MGRN1: variants seen among roughly 807,000 people sequenced by gnomAD.
The protein encoded by MGRN1 is mahogunin ring finger 1.
Under a neutral mutation model 69.2 loss-of-function variants are expected in MGRN1, and 29 were observed. The observed-to-expected ratio is 0.42, with a 90% CI of 0.31 to 0.57. The LOEUF (loss-of-function observed/expected upper bound fraction) is 0.57. Among genes scored for constraint, MGRN1 ranks in the 20% least tolerant of loss-of-function variants. MGRN1 has a pLI of 0.15. For synonymous variants in MGRN1, 470 were observed against 344.2 expected (o/e 1.37, Z -4.04); for missense variants, 998 against 796.2 (o/e 1.25, Z -3.05).
chr16:4,686,584 G>C lies in MGRN1; in HGVS notation c.1619-2212G>C, dbSNP rs1375303314. The C allele has an allele frequency of 8.5e-6, 11 of 1,296,112 alleles. No individual in the cohort carries two copies. In the African/African-American group the frequency reaches 1.1e-4, roughly 12 times the overall value. The allele number at this position is 1,296,112 out of a possible 1,614,324, so 80.3% of individuals were successfully genotyped here. A position where few individuals can be genotyped will look rare whatever the true frequency, so the allele number is the denominator to read the frequency against. On this transcript the variant is annotated intron_variant, in intron 16 of 16. Transcript: ENST00000262370. ...CTTCTTCCAGCCTTGAGGGGCCCTG[G>C]AACAGTCCCAGCCCAGGCAGGGAGA... is the stretch of plus-strand genomic sequence containing the variant.
chr16:4,683,954 G>A (rs1235842193), intron 16 of MGRN1, 22 bp downstream of exon 16: 1 of 1,521,086 alleles, frequency 6.6e-7, no homozygotes, highest in Non-Finnish European at 8.9e-7. Flanking sequence ...GGGGTCTGGG[G>A]GTGAGGGGCT....
chr16:4,671,512 G>T (rs2141946957), intron 9 of MGRN1, 53 bp downstream of exon 9: 2 of 1,557,242 alleles, frequency 1.3e-6, no homozygotes, highest in South Asian at 1.1e-5. Context: ...CACACCAGGA[G>T]CAGCCGCGGA....
rs918618055 is a variant in MGRN1 at position 4,690,965 on chromosome 16, T to C, written c.*2057T>C. 4.6e-5 allele frequency: 7 copies of C among 152,402 alleles called. No individual in the cohort carries two copies. Among genetic ancestry groups the C allele is most frequent in the African/African-American group, 7.2e-5 (3 of 41,436 alleles). 9.4% of individuals were successfully genotyped at this position (152,402 alleles called of 1,614,324 possible). ...CTGTATATTTATAGTAATAAAATCA[T>C]GCAGCAATATCCTGTCTGCTCCTTC... On this transcript the variant is annotated 3_prime_UTR_variant, in exon 17 of 17. Coordinates refer to ENST00000262370, the MANE Select transcript of MGRN1 (RefSeq NM_015246.4).
intron 1 of MGRN1, among the ~76,000 whole-genome samples, chr16:4,646,233 C>A (rs2141865188): frequency 6.6e-6 from 1 of 152,206 alleles, no homozygotes; most frequent in Admixed American, 6.5e-5. Context: ...CAGTTTGAGA[C>A]CAGCCTGGGT....
chr16:4,671,399 G>C lies in MGRN1; in HGVS notation c.735G>C (p.Arg245=), dbSNP rs1399805984. Reference sequence around the variant, plus strand: ...CCCTCTCTGCTCTCCAGGTGGACCGGGTCAGCTACCTCCTGCAGGAGATCT... The same window carrying C: ...CCCTCTCTGCTCTCCAGGTGGACCGCGTCAGCTACCTCCTGCAGGAGATCT... ...KPLKQKQIVD[R]VSYLLQEIYG... is the part of the protein sequence containing the mutation. The change falls in exon 9 of 17, where the codon CGG becomes CGC. Residue 245 remains arginine, a synonymous_variant. Coordinates refer to ENST00000262370, the MANE Select transcript of MGRN1 (RefSeq NM_015246.4). 2 of 1,613,960 alleles carry C rather than the reference G, an allele frequency of 1.2e-6. No homozygotes were observed. The highest frequency in any genetic ancestry group is 1.7e-5 in the Admixed American group (1 of 59,990).
At chr16:4,641,350 T>TG (rs1234910675) in intron 1 of MGRN1, among the ~76,000 whole-genome samples, 2 of 151,590 alleles carry the variant, frequency 1.3e-5, no homozygotes, top group African/African-American at 4.9e-5. Context: ...GGATTTTTTT[T>TG]TTGTTTTTTG....
Position 4,686,497 on chromosome 16 carries a change from T to TG in MGRN1, c.1619-2293dup, listed in dbSNP as rs1456585032. On this transcript the variant is annotated intron_variant, in intron 16 of 16. Transcript: ENST00000262370. ...CACCTTCCCCCAGAAAGTGGCCTCC[T>TG]GGGGGGTCCTGACTTTCGGGGCCAG... 3 of 1,385,212 alleles carry TG rather than the reference T, an allele frequency of 2.2e-6. No individual in the cohort carries two copies. The East Asian group carries it at 8.3e-5, about 38-fold the overall frequency. 85.8% of individuals were successfully genotyped at this position (1,385,212 alleles called of 1,614,324 possible).
At chr16:4,652,937 A>G (rs2078442285) in intron 4 of MGRN1, 113 bp downstream of exon 4, 3 of 1,342,764 alleles carry the variant, frequency 2.2e-6, no homozygotes, top group Admixed American at 2.9e-5. Context: ...CTCTTTGACC[A>G]TACTCCCAGG....
intron 16 of MGRN1, among the ~76,000 whole-genome samples, chr16:4,685,184 A>C (rs2141986045): frequency 6.6e-6 from 1 of 152,356 alleles, no homozygotes; most frequent in South Asian, 2.1e-4. Context: ...GATCTCAAAT[A>C]TTTCATTCTG....
chr16:4,631,307 C>T (rs1459166026), intron 1 of MGRN1, among the ~76,000 whole-genome samples: 1 of 152,156 alleles, frequency 6.6e-6, no homozygotes, highest in Non-Finnish European at 1.5e-5. Flanking sequence ...AAAGCAAGAC[C>T]ATGTCTCTTA....
Position 4,688,789 on chromosome 16 carries a change from C to A in MGRN1, c.1619-7C>A, listed in dbSNP as rs748367603. 6 of 1,540,242 alleles carry A rather than the reference C, an allele frequency of 3.9e-6. No individual in the cohort carries two copies. The highest frequency in any genetic ancestry group is 5.3e-6 in the Non-Finnish European group (6 of 1,138,766). ...TGTGACCCTCCTCCCTCTGCTCCCACCTGCAGGACGGCCCACCTCCATGGA... is the reference window on the plus strand; with the variant it reads ...TGTGACCCTCCTCCCTCTGCTCCCAACTGCAGGACGGCCCACCTCCATGGA... On this transcript the variant is annotated splice_polypyrimidine_tract_variant and splice_region_variant and intron_variant, in intron 16 of 16. Coordinates refer to ENST00000262370, the MANE Select transcript of MGRN1 (RefSeq NM_015246.4).
chr16:4,642,556 C>G (rs184863376), intron 1 of MGRN1, among the ~76,000 whole-genome samples: 1 of 151,386 alleles, frequency 6.6e-6, no homozygotes, highest in Non-Finnish European at 1.5e-5. Context: ...AAACTCCTGA[C>G]CTTGTGATCC....
chr16:4,666,133 CTT>C (rs2078800408), intron 7 of MGRN1, among the ~76,000 whole-genome samples: 1 of 151,336 alleles, frequency 6.6e-6, no homozygotes, highest in African/African-American at 2.4e-5. Context: ...CTGGCCATCT[CTT>C]TTCTTTTTTT....
intron 1 of MGRN1, among the ~76,000 whole-genome samples, chr16:4,630,333 C>G (rs376038648): frequency 9.1e-4 from 133 of 145,518 alleles, no homozygotes; most frequent in African/African-American, 3.2e-3. Context: ...CCAGCCTGAG[C>G]GACAGAGTGA....
intron 5 of MGRN1, among the ~76,000 whole-genome samples, chr16:4,662,965 G>GC (rs1369596402): frequency 6.6e-6 from 1 of 152,208 alleles, no homozygotes; most frequent in Non-Finnish European, 1.5e-5. Flanking sequence ...AGTCAGTGAG[G>GC]CCTGTGGTCG....
chr16:4,643,424 T>C (rs1385115217), intron 1 of MGRN1, among the ~76,000 whole-genome samples: 7 of 144,490 alleles, frequency 4.8e-5, no homozygotes, highest in East Asian at 4.0e-4. Flanking sequence ...TTTTTTTTTT[T>C]CTGAGACAGA....
At chr16:4,628,428 AC>A (rs1272681856) in intron 1 of MGRN1, among the ~76,000 whole-genome samples, 1 of 151,444 alleles carries the variant, frequency 6.6e-6, no homozygotes, top group Non-Finnish European at 1.5e-5. Context: ...AGCAACAACA[AC>A]AAAAAAAAGA....
At chr16:4,677,348 G>T in intron 10 of MGRN1, 115 bp from the exon 11 acceptor site, 1 of 597,922 alleles carries the variant, frequency 1.7e-6, no homozygotes, top group Non-Finnish European at 2.6e-6. Context: ...TCTGGAAGCG[G>T]GGTCACCCCA....
At chr16:4,668,901 C>T (rs1257043379) in intron 8 of MGRN1, among the ~76,000 whole-genome samples, 2 of 152,112 alleles carry the variant, frequency 1.3e-5, no homozygotes, top group African/African-American at 4.8e-5. Context: ...CACACATTCA[C>T]TCGCACACAT....
Sources: allele counts gnomAD v4.1 joint callset (sites outside exome capture counted in the v4.1 genomes callset), GRCh38; gene constraint gnomAD v4.1.1; transcripts MANE v1.5; gene names NCBI Gene and HGNC (gene_info 2026-07-23, HGNC 2026-07-21).